The following CDH13 variants were observed in gnomAD, a reference collection of about 807,000 sequenced individuals.
CDH13 encodes cadherin-13.
In CDH13, 24 loss-of-function variants were observed where a neutral mutation model predicts 63.8. The observed-to-expected ratio is 0.38, with a 90% CI of 0.27 to 0.53. The LOEUF (loss-of-function observed/expected upper bound fraction) is 0.53, where lower values mean the gene tolerates loss of function less well. CDH13 is among the 20% of genes least tolerant of loss of function. CDH13 has a pLI of 0.85. For synonymous variants in CDH13, 503 were observed against 355.3 expected (o/e 1.42, Z -4.67); for missense variants, 1,049 against 903.1 (o/e 1.16, Z -2.07).
chr16:83,559,604 G>A (rs1340783030), intron 7 of CDH13, among the ~76,000 whole-genome samples: 1 of 150,024 alleles, frequency 6.7e-6, no homozygotes, highest in Non-Finnish European at 1.5e-5. Flanking sequence ...AAAGAAGGAA[G>A]GAAGGAAGGA....
At chr16:83,363,872 T>G (rs1388469376) in intron 6 of CDH13, among the ~76,000 whole-genome samples, 1 of 152,106 alleles carries the variant, frequency 6.6e-6, no homozygotes, top group Non-Finnish European at 1.5e-5. Flanking sequence ...AGACAATGAA[T>G]ATCAGAGAGG....
rs531699582 is a variant in CDH13, at chr16:82,999,891, A to G, written c.158-32119A>G. 8.7e-4 allele frequency among the ~76,000 whole-genome samples: 133 copies of G among 152,076 alleles called. 1 individual carries two copies. The highest frequency in any genetic ancestry group is 3.1e-3 in the African/African-American group (129 of 41,458). On this transcript the variant is annotated intron_variant, in intron 2 of 13. Coordinates refer to ENST00000567109, the MANE Select transcript of CDH13 (RefSeq NM_001257.5). ...CACCAGTAGCTCTAAACCCGGGACA[A>G]TTTCACCCCCTGAGGGCATTTGGCA... is the stretch of plus-strand genomic sequence containing the variant.
intron 7 of CDH13, among the ~76,000 whole-genome samples, chr16:83,520,338 G>T (rs2074801037): frequency 6.6e-6 from 1 of 152,192 alleles, no homozygotes; most frequent in Admixed American, 6.5e-5. Flanking sequence ...TATGGTGATA[G>T]AGATCAGAAT....
chr16:83,727,793 A>G (rs1170627727), intron 10 of CDH13, among the ~76,000 whole-genome samples: 1 of 152,100 alleles, frequency 6.6e-6, no homozygotes, highest in Admixed American at 6.5e-5. Flanking sequence ...CCTTGACGGA[A>G]CTGGCTGACA....
chr16:83,184,299 T>C (rs1251654283), intron 4 of CDH13, among the ~76,000 whole-genome samples: 1 of 152,168 alleles, frequency 6.6e-6, no homozygotes, highest in Middle Eastern at 3.2e-3. Flanking sequence ...ATCAGCCTCT[T>C]ACATTAACTC....
intron 2 of CDH13, among the ~76,000 whole-genome samples, chr16:82,968,997 C>T (rs915291803): frequency 2.6e-5 from 4 of 152,148 alleles, no homozygotes; most frequent in Non-Finnish European, 5.9e-5. Flanking sequence ...ATCCCAGCTG[C>T]TCAGGAGGCT....
chr16:82,952,967 G>T (rs771947764), intron 2 of CDH13, among the ~76,000 whole-genome samples: 2 of 152,144 alleles, frequency 1.3e-5, no homozygotes, highest in African/African-American at 4.8e-5. Context: ...AAATTCAGAG[G>T]ACTAAGCAAA....
At chr16:83,487,000 G>A (rs897302876) in intron 7 of CDH13, among the ~76,000 whole-genome samples, 23 of 152,132 alleles carry the variant, frequency 1.5e-4, no homozygotes, top group Admixed American at 2.6e-4. Flanking sequence ...AGGGAAGGAG[G>A]GGAAGGGAGG....
chr16:82,965,708 G>C (rs1467496171), intron 2 of CDH13, among the ~76,000 whole-genome samples: 1 of 152,120 alleles, frequency 6.6e-6, no homozygotes. Context: ...GGCCAGGCTG[G>C]TCTCAAACTA....
chr16:83,191,458 A>AATATATATAT (rs57044100), intron 4 of CDH13, among the ~76,000 whole-genome samples: 39 of 80,572 alleles, frequency 4.8e-4, no homozygotes, highest in African/African-American at 1.3e-3. Flanking sequence ...ACTAATAGGA[A>AATATATATAT]ATATATATAT....
intron 10 of CDH13, chr16:83,710,274 G>C (rs1351355445): frequency 6.6e-6 from 1 of 152,210 alleles, no homozygotes; most frequent in Non-Finnish European, 1.5e-5. Flanking sequence ...ACAACAGGCT[G>C]CAACTTGGCC....
intron 7 of CDH13, among the ~76,000 whole-genome samples, chr16:83,509,839 C>T (rs2074515255): frequency 6.6e-6 from 1 of 152,094 alleles, no homozygotes; most frequent in African/African-American, 2.4e-5. Context: ...GTTTGGAGGA[C>T]CTTGTTTTCC....
At chr16:83,213,765 C>T (rs1264355352) in intron 4 of CDH13, among the ~76,000 whole-genome samples, 1 of 152,180 alleles carries the variant, frequency 6.6e-6, no homozygotes, top group African/African-American at 2.4e-5. Flanking sequence ...GCCAGCTGGA[C>T]TTCCTGGGTG....
chr16:83,262,733 A>G (rs1020683923), intron 5 of CDH13, among the ~76,000 whole-genome samples: 3 of 152,232 alleles, frequency 2.0e-5, no homozygotes, highest in African/African-American at 7.2e-5. Context: ...GGGTTATAAT[A>G]AATGCACTAG....
intron 8 of CDH13, among the ~76,000 whole-genome samples, chr16:83,623,583 C>T (rs1910010250): frequency 6.6e-6 from 1 of 152,122 alleles, no homozygotes; most frequent in South Asian, 2.1e-4. Flanking sequence ...GGCAGCTCTA[C>T]AAATAGGAAC....
intron 6 of CDH13, among the ~76,000 whole-genome samples, chr16:83,406,584 C>T (rs191220100): frequency 2.3e-4 from 35 of 152,298 alleles, no homozygotes; most frequent in Admixed American, 1.7e-3. Flanking sequence ...CTGCCTTAGC[C>T]TCCCAAGTAG....
At chr16:83,303,211 CCTT>C (rs1414788619) in intron 5 of CDH13, among the ~76,000 whole-genome samples, 1 of 152,210 alleles carries the variant, frequency 6.6e-6, no homozygotes, top group African/African-American at 2.4e-5. Context: ...CGAAGGTTCA[CCTT>C]CTGCCCTCTG....
At chr16:83,335,419 C>T (rs1470966556) in intron 5 of CDH13, among the ~76,000 whole-genome samples, 1 of 151,926 alleles carries the variant, frequency 6.6e-6, no homozygotes, top group African/African-American at 2.4e-5. Context: ...GTTCCTTTGT[C>T]TGAACTTACA....
At chr16:82,714,329 A>G (rs1319248529) in intron 1 of CDH13, among the ~76,000 whole-genome samples, 1 of 151,894 alleles carries the variant, frequency 6.6e-6, no homozygotes, top group African/African-American at 2.4e-5. Flanking sequence ...TAAATGTAAC[A>G]CTATTTGGCA....
Sources: allele counts gnomAD v4.1 joint callset (sites outside exome capture counted in the v4.1 genomes callset), GRCh38; gene constraint gnomAD v4.1.1; transcripts MANE v1.5; gene names NCBI Gene and HGNC (gene_info 2026-07-23, HGNC 2026-07-21).